The following HIP1 variants were observed in gnomAD, a reference collection of about 807,000 sequenced individuals.
The protein encoded by HIP1 is huntingtin-interacting protein 1.
In HIP1, 65 loss-of-function variants were observed where a neutral mutation model predicts 147.6. The ratio of observed to expected loss-of-function variants is 0.44; its 90% CI spans 0.36 to 0.54. The LOEUF is 0.54. Among genes scored for constraint, HIP1 ranks in the 20% least tolerant of loss-of-function variants. The pLI is 0.00. For synonymous variants in HIP1, 479 were observed against 504.0 expected (o/e 0.95, Z 0.67); for missense variants, 1,061 against 1,299.6 (o/e 0.82, Z 2.82).
chr7:75,592,335 C>T (rs1554500958), intron 3 of HIP1, 37 bp downstream of exon 3: 2 of 1,580,968 alleles, frequency 1.3e-6, no homozygotes, highest in Admixed American at 1.8e-5. Flanking sequence ...CACAAGGATC[C>T]CTGGCTCCCT....
chr7:75,708,847 G>A (rs1554519915), intron 1 of HIP1, among the ~76,000 whole-genome samples: 1 of 151,996 alleles, frequency 6.6e-6, no homozygotes, highest in Non-Finnish European at 1.5e-5. Flanking sequence ...AGAGTCCCTT[G>A]AGATTCCATA....
At chr7:75,571,853 G>A (rs1795647641) in intron 8 of HIP1, among the ~76,000 whole-genome samples, 1 of 152,122 alleles carries the variant, frequency 6.6e-6, no homozygotes, top group Non-Finnish European at 1.5e-5. Flanking sequence ...CAAAGTGATG[G>A]GATTCCATGC....
At chr7:75,650,899 C>T (rs914700008) in intron 1 of HIP1, among the ~76,000 whole-genome samples, 12 of 152,038 alleles carry the variant, frequency 7.9e-5, no homozygotes, top group Admixed American at 2.6e-4. Context: ...CAGCTTGGCC[C>T]GGCTGTGAGC....
intron 1 of HIP1, among the ~76,000 whole-genome samples, chr7:75,634,995 G>A (rs1798375463): frequency 1.5e-5 from 2 of 136,158 alleles, no homozygotes; most frequent in Admixed American, 7.6e-5. Flanking sequence ...ATACTGTAAA[G>A]CACCACACAA....
intron 9 of HIP1, 64 bp from the exon 10 acceptor site, chr7:75,563,327 G>A: frequency 6.7e-7 from 1 of 1,489,028 alleles, no homozygotes; most frequent in Non-Finnish European, 9.4e-7. Context: ...AGGGGACAGA[G>A]CAGCCACCTG....
At chr7:75,587,444 A>G (rs1796327407) in intron 4 of HIP1, among the ~76,000 whole-genome samples, 1 of 152,170 alleles carries the variant, frequency 6.6e-6, no homozygotes. Context: ...ATATGCTGCA[A>G]TTTTATTCAA....
At chr7:75,595,773 A>T (rs1419204446) in intron 2 of HIP1, among the ~76,000 whole-genome samples, 1 of 152,174 alleles carries the variant, frequency 6.6e-6, no homozygotes, top group African/African-American at 2.4e-5. Flanking sequence ...AAAAAAAGAA[A>T]ATAAGAAAAA....
intron 7 of HIP1, 41 bp downstream of exon 7, chr7:75,581,196 T>A: frequency 3.4e-6 from 5 of 1,486,980 alleles, no homozygotes; most frequent in Non-Finnish European, 4.7e-6. Flanking sequence ...ATTAGGTAGT[T>A]CCCATGAGAG....
chr7:75,567,538 C>T (rs909896479), intron 9 of HIP1, among the ~76,000 whole-genome samples: 3 of 151,482 alleles, frequency 2.0e-5, no homozygotes, highest in Non-Finnish European at 2.9e-5. Context: ...TGCAGTGGCT[C>T]ACGCCTGTAA....
At chr7:75,611,951 G>T in intron 1 of HIP1, 1 of 860,126 alleles carries the variant, frequency 1.2e-6, no homozygotes, top group Non-Finnish European at 1.4e-6. Context: ...AGTGGCCAAT[G>T]GGAAACCCTC....
intron 27 of HIP1, 105 bp from the exon 28 acceptor site, chr7:75,543,079 GC>G (rs1794398411): frequency 1.7e-6 from 2 of 1,190,438 alleles, no homozygotes; most frequent in Admixed American, 5.2e-5. Flanking sequence ...GGGCCAAACG[GC>G]AATCACCAAT....
At chr7:75,685,554 T>A (rs1355735986) in intron 1 of HIP1, among the ~76,000 whole-genome samples, 2 of 152,240 alleles carry the variant, frequency 1.3e-5, no homozygotes, top group Non-Finnish European at 1.5e-5. Flanking sequence ...CTTTGTCAGT[T>A]TTCTTTTTTG....
chr7:75,639,113 C>T, intron 1 of HIP1: 1 of 984,174 alleles, frequency 1.0e-6, no homozygotes, highest in Non-Finnish European at 1.2e-6. Context: ...GATCCCGCTT[C>T]CCCCAAAGCT....
intron 25 of HIP1, among the ~76,000 whole-genome samples, chr7:75,546,652 C>G (rs1268755937): frequency 1.3e-5 from 2 of 152,206 alleles, no homozygotes; most frequent in African/African-American, 4.8e-5. Context: ...GTCCTCATGT[C>G]CCCCTCAGAG....
chr7:75,722,396 C>G (rs1407889207), intron 1 of HIP1, among the ~76,000 whole-genome samples: 1 of 152,188 alleles, frequency 6.6e-6, no homozygotes, highest in Non-Finnish European at 1.5e-5. Flanking sequence ...TCATCCAACA[C>G]CCCTCATTAC....
chr7:75,572,827 G>C (rs1172639109), intron 8 of HIP1, among the ~76,000 whole-genome samples: 1 of 152,110 alleles, frequency 6.6e-6, no homozygotes, highest in Non-Finnish European at 1.5e-5. Flanking sequence ...TGGCAGCCCT[G>C]CTGCCCCGCA....
intron 1 of HIP1, among the ~76,000 whole-genome samples, chr7:75,666,329 C>A (rs868914782): frequency 2.0e-5 from 3 of 151,812 alleles, no homozygotes; most frequent in Non-Finnish European, 2.9e-5. Context: ...ATCACCATGC[C>A]CGGCTAATTT....
chr7:75,683,675 G>A (rs1554517219), intron 1 of HIP1, among the ~76,000 whole-genome samples: 3 of 152,170 alleles, frequency 2.0e-5, no homozygotes, highest in Non-Finnish European at 2.9e-5. Flanking sequence ...GGAGGTCACT[G>A]ACATCTGTGA....
chr7:75,544,951 A>G (rs1794493117), intron 26 of HIP1, 137 bp downstream of exon 26: 1 of 753,352 alleles, frequency 1.3e-6, no homozygotes, highest in East Asian at 2.5e-5. Flanking sequence ...GCTCCCTTGT[A>G]AACTCGGTCC....
Sources: gnomAD v4.1 joint callset for allele counts (sites outside exome capture counted in the v4.1 genomes callset) on GRCh38, gnomAD v4.1.1 for gene constraint, MANE v1.5 for transcripts, NCBI Gene and HGNC (gene_info 2026-07-23, HGNC 2026-07-21) for gene names.